The following PCDH11X variants were observed in gnomAD, a reference collection of about 807,000 sequenced individuals.
The protein encoded by PCDH11X is protocadherin 11 X-linked, also known as protocadherin-11 X-linked.
Under a neutral mutation model 53.3 loss-of-function variants are expected in PCDH11X, and 18 were observed. That is an observed-to-expected ratio of 0.34 (90% CI 0.23 to 0.50). The LOEUF is 0.50. PCDH11X is among the 20% of genes least tolerant of loss of function. PCDH11X has a pLI of 0.98. For synonymous variants in PCDH11X, 279 were observed against 393.3 expected (o/e 0.71, Z 3.44); for missense variants, 570 against 1,032.4 (o/e 0.55, Z 6.14).
intron 6 of PCDH11X, among the ~76,000 whole-genome samples, chrX:92,108,913 C>T (rs1010395213): frequency 5.4e-5 from 6 of 111,286 alleles, no homozygotes; most frequent in African/African-American, 1.3e-4. Flanking sequence ...ATACTGTAAC[C>T]GCCCAACGGG....
chrX:92,156,654 T>A (rs1170607866), intron 6 of PCDH11X, among the ~76,000 whole-genome samples: 2 of 112,309 alleles, frequency 1.8e-5, no homozygotes, highest in African/African-American at 6.5e-5. Context: ...AGGCACTCAA[T>A]AAATGAATGA....
intron 6 of PCDH11X, among the ~76,000 whole-genome samples, chrX:92,124,259 A>G (rs1233115107): frequency 1.8e-5 from 2 of 110,886 alleles, no homozygotes; most frequent in Admixed American, 1.9e-4. Flanking sequence ...AAATAGGCCT[A>G]GTACAAGCCA....
At chrX:92,303,344 C>G (rs1405569717) in intron 8 of PCDH11X, among the ~76,000 whole-genome samples, 4 of 110,293 alleles carry the variant, frequency 3.6e-5, no homozygotes, top group African/African-American at 6.6e-5. Flanking sequence ...AGTAAGATAA[C>G]AGCATTGCAG....
chrX:92,257,821 G>C (rs144989819), intron 7 of PCDH11X, among the ~76,000 whole-genome samples: 221 of 112,308 alleles, frequency 2.0e-3, no homozygotes, highest in Non-Finnish European at 3.3e-3. Flanking sequence ...GACTGGTATT[G>C]AGTGCTTGTG....
At chrX:91,818,504 C>A (rs1477114941) in intron 4 of PCDH11X, among the ~76,000 whole-genome samples, 2 of 108,321 alleles carry the variant, frequency 1.8e-5, no homozygotes, top group African/African-American at 6.9e-5. Context: ...TCAAAACCAT[C>A]CTGGCTAATA....
chrX:92,267,787 G>A (rs1205696824), intron 8 of PCDH11X, among the ~76,000 whole-genome samples: 2 of 112,356 alleles, frequency 1.8e-5, no homozygotes, highest in Admixed American at 1.9e-4. Flanking sequence ...GCTGGAGGCT[G>A]GGAAGTCCAA....
At chrX:92,251,865 A>C (rs977449701) in intron 7 of PCDH11X, among the ~76,000 whole-genome samples, 3 of 110,966 alleles carry the variant, frequency 2.7e-5, no homozygotes, top group Middle Eastern at 4.7e-3. Flanking sequence ...GTGTGGAACC[A>C]GGACTAAAAA....
chrX:91,879,700 T>C, intron 6 of PCDH11X: 2 of 784,696 alleles, frequency 2.5e-6, no homozygotes, highest in Non-Finnish European at 3.0e-6. Context: ...GAAGCCTAGC[T>C]TCACTTGGGA....
At chrX:92,014,694 A>C (rs1221830963) in intron 6 of PCDH11X, among the ~76,000 whole-genome samples, 1 of 112,314 alleles carries the variant, frequency 8.9e-6, no homozygotes, top group Non-Finnish European at 1.9e-5. Context: ...ACCATGGAAT[A>C]CTATGCAGCC....
chrX:92,103,152 A>G (rs1391568126), intron 6 of PCDH11X, among the ~76,000 whole-genome samples: 2 of 110,606 alleles, frequency 1.8e-5, no homozygotes, highest in African/African-American at 3.3e-5. Context: ...AAGGGCGGCA[A>G]TGAGATGTGG....
intron 6 of PCDH11X, among the ~76,000 whole-genome samples, chrX:91,998,805 C>T: frequency 9.0e-6 from 1 of 111,618 alleles, no homozygotes; most frequent in Middle Eastern, 4.6e-3. Flanking sequence ...CCAATATTAT[C>T]ACTATGCCGA....
chrX:92,208,499 C>G (rs1422446522), intron 7 of PCDH11X, among the ~76,000 whole-genome samples: 1 of 13,400 alleles, frequency 7.5e-5, no homozygotes, highest in Non-Finnish European at 1.4e-4. Context: ...GAAGGTGGTC[C>G]CTGAAACTAA....
At chrX:92,375,711 G>A (rs1249715313) in intron 8 of PCDH11X, among the ~76,000 whole-genome samples, 6 of 108,854 alleles carry the variant, frequency 5.5e-5, no homozygotes, top group Middle Eastern at 4.7e-3. Flanking sequence ...TGCAATCTCC[G>A]CCTCCTGGGT....
intron 6 of PCDH11X, among the ~76,000 whole-genome samples, chrX:92,038,759 G>T (rs1174101672): frequency 2.8e-5 from 3 of 106,951 alleles, no homozygotes; most frequent in Non-Finnish European, 5.8e-5. Flanking sequence ...TTGAAATGGG[G>T]ACGGGTCTTT....
At chrX:91,888,818 A>G (rs1940348791) in intron 6 of PCDH11X, among the ~76,000 whole-genome samples, 2 of 111,075 alleles carry the variant, frequency 1.8e-5, no homozygotes, top group Non-Finnish European at 3.8e-5. Flanking sequence ...AAGTAAAACA[A>G]ATATTGAACT....
chrX:92,360,994 A>G (rs1281825514), intron 8 of PCDH11X, among the ~76,000 whole-genome samples: 1 of 109,373 alleles, frequency 9.1e-6, no homozygotes, highest in Non-Finnish European at 1.9e-5. Flanking sequence ...TTCTTAACAC[A>G]TTATCCAAAG....
chrX:92,239,815 G>A (rs2067233350), intron 7 of PCDH11X, among the ~76,000 whole-genome samples: 1 of 111,731 alleles, frequency 9.0e-6, no homozygotes, highest in African/African-American at 3.2e-5. Context: ...AGATTGGGAT[G>A]TAGGATCCTT....
intron 10 of PCDH11X, among the ~76,000 whole-genome samples, chrX:92,563,047 G>GTTTTTT (rs61411325): frequency 2.1e-4 from 9 of 43,873 alleles, no homozygotes; most frequent in Non-Finnish European, 1.9e-4. Flanking sequence ...CCTTGGTACC[G>GTTTTTT]TTTTTTTTTT....
intron 9 of PCDH11X, among the ~76,000 whole-genome samples, chrX:92,436,973 T>TTA (rs1491367627): frequency 1.1e-4 from 9 of 84,647 alleles, no homozygotes; most frequent in Non-Finnish European, 2.1e-4. Flanking sequence ...AAATAAAAGG[T>TTA]AAAAAAAAAA....
Sources: gnomAD v4.1 joint callset for allele counts (sites outside exome capture counted in the v4.1 genomes callset) on GRCh38, gnomAD v4.1.1 for gene constraint, MANE v1.5 for transcripts, NCBI Gene and HGNC (gene_info 2026-07-23, HGNC 2026-07-21) for gene names.